Variants in IL2RA observed in about 807,000 individuals in gnomAD.
IL2RA encodes the protein interleukin-2 receptor subunit alpha.
In IL2RA, 24 loss-of-function variants were observed where a neutral mutation model predicts 37.8. The ratio of observed to expected loss-of-function variants is 0.63; its 90% CI spans 0.46 to 0.89. IL2RA has a LOEUF of 0.89. Among genes scored for constraint, IL2RA ranks in the 40% least tolerant of loss-of-function variants. The pLI is 0.00. For missense variants in IL2RA, 319 were observed against 348.6 expected, an observed-to-expected ratio of 0.92 and a Z score of 0.68; for synonymous variants, 125 against 114.6, an observed-to-expected ratio of 1.09 and a Z score of -0.58.
chr10:6,032,867 A>G (rs1247716306), intron 1 of IL2RA, among the ~76,000 whole-genome samples: 1 of 152,226 alleles, frequency 6.6e-6, no homozygotes, highest in Non-Finnish European at 1.5e-5. Context: ...ACTTCCCCAA[A>G]GAAGATACAC....
intron 1 of IL2RA, 147 bp downstream of exon 1, chr10:6,061,941 C>T (rs1840127407): frequency 6.1e-6 from 4 of 656,516 alleles, no homozygotes; most frequent in African/African-American, 1.8e-5. Flanking sequence ...AAACTGGGGT[C>T]CCCGTGGGTC....
In IL2RA at chr10:6,024,369, T is replaced by C. The variant is rs200048148; in HGVS notation, c.257-15A>G. 4 of 1,537,300 alleles carry C rather than the reference T, an allele frequency of 2.6e-6. No homozygotes were observed. The highest frequency in any genetic ancestry group is 3.6e-6 in the Non-Finnish European group (4 of 1,109,832). ...GTTCCGAGTGGCTAGAAAATATAGA[T>C]GGAATGATGCAGATAATTTCACAAA... On this transcript the variant is annotated splice_polypyrimidine_tract_variant and intron_variant, in intron 2 of 7. Transcript: ENST00000379959.
At chr10:6,050,733 A>G (rs1839939408) in intron 1 of IL2RA, among the ~76,000 whole-genome samples, 1 of 152,244 alleles carries the variant, frequency 6.6e-6, no homozygotes, top group African/African-American at 2.4e-5. Flanking sequence ...ACAGAAGCAG[A>G]GCACGCAGCA....
intron 1 of IL2RA, among the ~76,000 whole-genome samples, chr10:6,061,547 C>T (rs991696950): frequency 1.3e-5 from 2 of 152,048 alleles, no homozygotes; most frequent in African/African-American, 2.4e-5. Context: ...TGTAAAGTTG[C>T]ACTTGTAAGG....
chr10:6,040,128 T>C (rs551724259), intron 1 of IL2RA, among the ~76,000 whole-genome samples: 2 of 152,352 alleles, frequency 1.3e-5, no homozygotes, highest in Non-Finnish European at 2.9e-5. Flanking sequence ...ATAAGTGACA[T>C]TGAAATCTGT....
intron 1 of IL2RA, among the ~76,000 whole-genome samples, chr10:6,045,661 A>G (rs1165135035): frequency 6.6e-6 from 1 of 152,228 alleles, no homozygotes; most frequent in Non-Finnish European, 1.5e-5. Flanking sequence ...TCAAATCTTT[A>G]AAACCAATTT....
Position 6,062,313 on chromosome 10 carries a change from G to C in IL2RA, c.-162C>G, listed in dbSNP as rs889830426. On this transcript the variant is annotated 5_prime_UTR_variant, in exon 1 of 8. Coordinates refer to ENST00000379959, the MANE Select transcript of IL2RA (RefSeq NM_000417.3). Reference sequence around the variant, plus strand: ...CTTGTGGGTCCATCCAGTCTCTATCGGAGTCAGGAGTTGCTCTCTTTAAGT... The same window carrying C: ...CTTGTGGGTCCATCCAGTCTCTATCCGAGTCAGGAGTTGCTCTCTTTAAGT... 6.4e-6 allele frequency: 4 copies of C among 628,784 alleles called. No homozygotes were observed. The South Asian group carries it at 7.3e-5, about 11-fold the overall frequency. The allele number at this position is 628,784 out of a possible 1,614,324, so 39.0% of individuals were successfully genotyped here.
Position 6,019,435 on chromosome 10 carries a change from C to T in IL2RA, c.720G>A (p.Gln240=). The T allele has an allele frequency of 6.2e-7, 1 of 1,611,606 alleles. No homozygotes were observed. The highest frequency in any genetic ancestry group is 1.1e-5 in the South Asian group (1 of 91,014). Residue 240 remains glutamine (Q), a synonymous_variant, in exon 6 of 8, where the codon CAG becomes CAA. Transcript: ENST00000379959. ...AGCCAGTGCCCCACTCACCTGCTAC[C>T]TGGTACTCTGTTGTAAATATGGACG... ...METSIFTTEY[Q]VAVAGCVFLL... is the part of the protein sequence containing the mutation.
At chr10:6,060,685 AG>A (rs1229329520) in intron 1 of IL2RA, among the ~76,000 whole-genome samples, 1 of 152,154 alleles carries the variant, frequency 6.6e-6, no homozygotes, top group Admixed American at 6.5e-5. Flanking sequence ...TGAGCCCATG[AG>A]GTGGAGGTTG....
intron 1 of IL2RA, among the ~76,000 whole-genome samples, chr10:6,055,346 G>A (rs1840026744): frequency 6.6e-6 from 1 of 152,080 alleles, no homozygotes; most frequent in Non-Finnish European, 1.5e-5. Flanking sequence ...GAACTGGAAG[G>A]GAAGGTATTG....
chr10:6,031,478 A>ATATGTATATATG (rs1839582655), intron 1 of IL2RA, among the ~76,000 whole-genome samples: 1 of 28,056 alleles, frequency 3.6e-5, no homozygotes, highest in African/African-American at 1.5e-4. Flanking sequence ...ATATATATAT[A>ATATGTATATATG]TATATATATA....
rs1839265314 is a variant in IL2RA at position 6,015,771 on chromosome 10, G to A, written c.794+2282C>T. Reference sequence around the variant, plus strand: ...TTCAAGTTTGAAAACCAATGGCCGGGTGTAGGGTTGTCAAACCTGGATGCA... The same window carrying A: ...TTCAAGTTTGAAAACCAATGGCCGGATGTAGGGTTGTCAAACCTGGATGCA... On this transcript the variant is annotated intron_variant, in intron 7 of 7. Coordinates refer to ENST00000379959, the MANE Select transcript of IL2RA (RefSeq NM_000417.3). The surrounding 1 kb of genome is among the most constrained non-coding windows in gnomAD (Gnocchi z 4.9). 6.6e-6 allele frequency among the ~76,000 whole-genome samples: 1 copy of A among 152,170 alleles called. No individual in the cohort carries two copies. Among genetic ancestry groups the A allele is most frequent in the Non-Finnish European group, 1.5e-5 (1 of 68,024 alleles).
intron 3 of IL2RA, among the ~76,000 whole-genome samples, chr10:6,023,059 C>T (rs1433877963): frequency 6.6e-6 from 1 of 152,168 alleles, no homozygotes; most frequent in Non-Finnish European, 1.5e-5. Flanking sequence ...AGAAAGTTTC[C>T]TCATCTAATC....
rs1839243148 is a variant in IL2RA, at chr10:6,014,364, A to G, written c.795-1468T>C. ...CAAGAGGGCACCATGGGTTGATATC[A>G]GATTCTAGGAAGGCTTTTGGACAAA... On this transcript the variant is annotated intron_variant, in intron 7 of 7. Transcript: ENST00000379959. The surrounding 1 kb of genome is among the most constrained non-coding windows in gnomAD (Gnocchi z 4.4). Among the ~76,000 whole-genome samples the G allele has an allele frequency of 6.6e-6, 1 of 152,162 alleles. No individual in the cohort carries two copies. Among genetic ancestry groups the G allele is most frequent in the Admixed American group, 6.5e-5 (1 of 15,272 alleles).
At chr10:6,026,838 G>A (rs753393756) in intron 1 of IL2RA, among the ~76,000 whole-genome samples, 6 of 152,206 alleles carry the variant, frequency 3.9e-5, no homozygotes, top group Admixed American at 6.5e-5. Context: ...TGGCCTCTCC[G>A]TCAATGGAAG....
chr10:6,047,283 T>G lies in IL2RA; in HGVS notation c.64+14805A>C, dbSNP rs1323666513. On this transcript the variant is annotated intron_variant, in intron 1 of 7. Transcript: ENST00000379959. The surrounding 1 kb of genome is among the most constrained non-coding windows in gnomAD (Gnocchi z 5.0). ...CTCATACCATGTGCACAGCACCTGA[T>G]GCTGGTGGGGTCAGGAGTGTGGCCT... Among the ~76,000 whole-genome samples the G allele has an allele frequency of 1.3e-5, 2 of 152,186 alleles. No individual in the cohort carries two copies. Among genetic ancestry groups the G allele is most frequent in the East Asian group, 3.9e-4 (2 of 5,184 alleles).
rs111986350 is a variant in IL2RA, at chr10:6,047,167, C to A, written c.64+14921G>T. Among the ~76,000 whole-genome samples, 256 of 152,346 alleles carry A rather than the reference C, an allele frequency of 1.7e-3. No homozygotes were observed. The highest frequency in any genetic ancestry group is 2.9e-3 in the Non-Finnish European group (200 of 68,034). On this transcript the variant is annotated intron_variant, in intron 1 of 7. Coordinates refer to ENST00000379959, the MANE Select transcript of IL2RA (RefSeq NM_000417.3). This position sits in a 1 kb window ranked among gnomAD's most constrained non-coding sequence, Gnocchi z 5.0. ...GCCCTAACCCTGAGGAGGTGCTGAACCCTTGCTGATGTGCAGAAGGGGTTA... is the reference window on the plus strand; with the variant it reads ...GCCCTAACCCTGAGGAGGTGCTGAAACCTTGCTGATGTGCAGAAGGGGTTA...
intron 1 of IL2RA, among the ~76,000 whole-genome samples, chr10:6,031,383 A>G (rs2132867017): frequency 6.7e-6 from 1 of 148,202 alleles, no homozygotes; most frequent in East Asian, 2.0e-4. Flanking sequence ...GATTGTTTAC[A>G]TAAAATTACT....
intron 1 of IL2RA, among the ~76,000 whole-genome samples, chr10:6,051,817 C>CTATATATTTATATATATATATATA (rs1403643320): frequency 3.6e-4 from 12 of 33,686 alleles, no homozygotes; most frequent in African/African-American, 1.1e-3. Flanking sequence ...TCATGCCCAG[C>CTATATATTTATATATATATATATA]TATATATATA....
Sources: allele counts gnomAD v4.1 joint callset (sites outside exome capture counted in the v4.1 genomes callset), GRCh38; gene constraint gnomAD v4.1.1; non-coding constraint Gnocchi (gnomAD v3.1); transcripts MANE v1.5; gene names NCBI Gene and HGNC (gene_info 2026-07-23, HGNC 2026-07-21).